Variants in NALCN observed in about 807,000 individuals in gnomAD.
NALCN encodes sodium leak channel, non-selective.
NALCN carries 111 observed loss-of-function variants against 225.3 expected under a neutral mutation model. That is an observed-to-expected ratio of 0.49 (90% confidence interval 0.42 to 0.58). The LOEUF (loss-of-function observed/expected upper bound fraction) is 0.58, where lower values mean the gene tolerates loss of function less well. NALCN is among the 20% of genes least tolerant of loss of function. The pLI is 0.00. For synonymous variants in NALCN, 764 were observed against 769.0 expected (o/e 0.99, Z 0.11); for missense variants, 1,378 against 2,202.4 (o/e 0.63, Z 7.49).
intron 11 of NALCN, among the ~76,000 whole-genome samples, chr13:101,249,155 T>C (rs1047796114): frequency 3.3e-5 from 5 of 152,138 alleles, no homozygotes; most frequent in African/African-American, 1.2e-4. Flanking sequence ...ATACATTCAG[T>C]TTCAATAGAG....
chr13:101,234,889 T>C (rs1249604308), intron 12 of NALCN, among the ~76,000 whole-genome samples: 5 of 152,092 alleles, frequency 3.3e-5, no homozygotes, highest in Non-Finnish European at 7.4e-5. Flanking sequence ...TGTCTATCTA[T>C]AAAATGGTTA....
chr13:101,162,478 C>T (rs1300310336), intron 15 of NALCN, among the ~76,000 whole-genome samples: 1 of 152,188 alleles, frequency 6.6e-6, no homozygotes, highest in Non-Finnish European at 1.5e-5. Flanking sequence ...GCAATGACTC[C>T]AGCTCCAGCA....
At chr13:101,345,979 G>T (rs927213487) in intron 6 of NALCN, among the ~76,000 whole-genome samples, 1 of 146,792 alleles carries the variant, frequency 6.8e-6, no homozygotes, top group Non-Finnish European at 1.5e-5. Context: ...TATACGTGAC[G>T]TGTCTGTCTA....
Position 101,155,054 on chromosome 13 carries a change from T to C in NALCN, c.1840-10158A>G, listed in dbSNP as rs551166118. Among the ~76,000 whole-genome samples, 7 of 152,330 alleles carry C rather than the reference T, an allele frequency of 4.6e-5. No individual in the cohort carries two copies. The South Asian group carries it at 8.3e-4, about 18-fold the overall frequency. Reference sequence around the variant, plus strand: ...TCTTTGAACAAGGCAACACAGGAGCTAATTTCTATGTTGCATTATTACAGC... The same window carrying C: ...TCTTTGAACAAGGCAACACAGGAGCCAATTTCTATGTTGCATTATTACAGC... On this transcript the variant is annotated intron_variant, in intron 15 of 43. Transcript: ENST00000251127.
intron 10 of NALCN, among the ~76,000 whole-genome samples, chr13:101,269,580 T>C (rs956084205): frequency 1.3e-5 from 2 of 152,150 alleles, no homozygotes; most frequent in African/African-American, 4.8e-5. Context: ...CCCTTCCCTA[T>C]CTTTGGCATG....
At chr13:101,097,206 A>T (rs1391834762) in intron 27 of NALCN, among the ~76,000 whole-genome samples, 1 of 152,250 alleles carries the variant, frequency 6.6e-6, no homozygotes, top group Non-Finnish European at 1.5e-5. Context: ...AATAAAAGGA[A>T]GAAAACTTAC....
At chr13:101,186,855 A>G (rs1190994271) in intron 14 of NALCN, among the ~76,000 whole-genome samples, 3 of 152,182 alleles carry the variant, frequency 2.0e-5, no homozygotes, top group African/African-American at 7.2e-5. Flanking sequence ...TAAAGGTGAA[A>G]AGCAAAAATT....
chr13:101,339,668 C>T (rs779759150), intron 7 of NALCN, among the ~76,000 whole-genome samples: 14 of 152,012 alleles, frequency 9.2e-5, no homozygotes, highest in African/African-American at 2.9e-4. Context: ...TGTTGAAAGG[C>T]GCTGAAAGGG....
At position 101,075,788 on chromosome 13, in the gene NALCN, G is replaced by A. The variant is rs533989026; in HGVS notation, c.3954+85C>T. 4.3e-5 allele frequency: 48 copies of A among 1,113,444 alleles called. 2 individuals are homozygous for A. In the South Asian group the frequency reaches 4.4e-4, roughly 10 times the overall value. The allele number at this position is 1,113,444 out of a possible 1,614,324, so 69.0% of individuals were successfully genotyped here. On this transcript the variant is annotated intron_variant, in intron 35 of 43. Coordinates refer to ENST00000251127, the MANE Select transcript of NALCN (RefSeq NM_052867.4). ...TTTGTGATTACATCCCTAAATAACC[G>A]AGGTAAGGCTGTAATCAATTAATCA...
intron 10 of NALCN, among the ~76,000 whole-genome samples, chr13:101,270,606 A>G (rs541392612): frequency 6.6e-4 from 100 of 152,342 alleles, no homozygotes; most frequent in South Asian, 2.9e-3. Flanking sequence ...TCATTTTGAA[A>G]TATTTAGAGT....
intron 14 of NALCN, among the ~76,000 whole-genome samples, chr13:101,184,551 A>G (rs1211988246): frequency 5.9e-5 from 9 of 152,210 alleles, no homozygotes; most frequent in Non-Finnish European, 1.5e-5. Flanking sequence ...TAACTACAAT[A>G]AATTTCAGTC....
chr13:101,241,905 T>C (rs1335110463), intron 11 of NALCN, among the ~76,000 whole-genome samples: 1 of 86,506 alleles, frequency 1.2e-5, no homozygotes, highest in Non-Finnish European at 2.6e-5. Flanking sequence ...GACACACTCC[T>C]GAAAACTGCA....
intron 38 of NALCN, among the ~76,000 whole-genome samples, chr13:101,068,380 C>T (rs1470491327): frequency 6.6e-6 from 1 of 152,058 alleles, no homozygotes; most frequent in East Asian, 1.9e-4. Flanking sequence ...TAAGGTGTAC[C>T]TTTCAAAAAC....
Position 101,289,397 on chromosome 13 carries a change from C to T in NALCN, c.1047+2593G>A, listed in dbSNP as rs981733527. 5.9e-5 allele frequency among the ~76,000 whole-genome samples: 9 copies of T among 152,116 alleles called. No homozygotes were observed. In the South Asian group the frequency reaches 1.9e-3, roughly 32 times the overall value. On this transcript the variant is annotated intron_variant, in intron 9 of 43. Transcript: ENST00000251127. ...ACCATTCAATTGAAAAATATTGCTT[C>T]GTTATTTTAAAGAAACAGTTCTCAT...
At chr13:101,411,820 AT>A (rs912744018) in intron 1 of NALCN, among the ~76,000 whole-genome samples, 1 of 149,938 alleles carries the variant, frequency 6.7e-6, no homozygotes, top group African/African-American at 2.5e-5. Flanking sequence ...CTTCTACCTC[AT>A]TTTTTTTTAC....
At chr13:101,257,629 G>A (rs2042283332) in intron 11 of NALCN, among the ~76,000 whole-genome samples, 1 of 151,856 alleles carries the variant, frequency 6.6e-6, no homozygotes, top group African/African-American at 2.4e-5. Context: ...TCATAGGTTG[G>A]ATTTATTGAA....
At chr13:101,275,579 A>C (rs2138960274) in intron 10 of NALCN, among the ~76,000 whole-genome samples, 1 of 152,318 alleles carries the variant, frequency 6.6e-6, no homozygotes, top group South Asian at 2.1e-4. Flanking sequence ...TATCTCTAAC[A>C]GACCACAATA....
chr13:101,288,114 C>T lies in NALCN; in HGVS notation c.1047+3876G>A, dbSNP rs773184646. Among the ~76,000 whole-genome samples the T allele has an allele frequency of 1.4e-4, 21 of 152,252 alleles. 1 individual carries two copies. In the Middle Eastern group the frequency reaches 0.014, roughly 99 times the overall value. The stretch of plus-strand genomic sequence containing the variant: ...GTGGATACCTGGCTTGATTTCATTA[C>T]GAAATAATATATTCAATGATGCAAC... On this transcript the variant is annotated intron_variant, in intron 9 of 43. Transcript: ENST00000251127.
intron 6 of NALCN, among the ~76,000 whole-genome samples, chr13:101,357,850 G>A (rs921214129): frequency 6.6e-6 from 1 of 152,048 alleles, no homozygotes; most frequent in African/African-American, 2.4e-5. Flanking sequence ...ATAGACCAAT[G>A]GAACAGAACA....
Sources: gnomAD v4.1 joint callset for allele counts (sites outside exome capture counted in the v4.1 genomes callset) on GRCh38, gnomAD v4.1.1 for gene constraint, MANE v1.5 for transcripts, NCBI Gene and HGNC (gene_info 2026-07-23, HGNC 2026-07-21) for gene names.